STAM: variants seen among roughly 807,000 people sequenced by gnomAD.
The protein encoded by STAM is signal transducing adapter molecule 1.
Under a neutral mutation model 63.4 loss-of-function variants are expected in STAM, and 16 were observed. The observed-to-expected ratio is 0.25, with a 90% CI of 0.17 to 0.38. STAM has a LOEUF of 0.38. STAM is among the 10% of genes least tolerant of loss of function. The probability of loss-of-function intolerance (pLI) is 1.00; values close to 1 mark genes in which losing one functional copy is unlikely to be tolerated. For missense variants in STAM, 636 were observed against 657.1 expected, an observed-to-expected ratio of 0.97 and a Z score of 0.35; for synonymous variants, 238 against 223.9, an observed-to-expected ratio of 1.06 and a Z score of -0.56.
intron 2 of STAM, 148 bp from the exon 3 acceptor site, chr10:17,684,527 G>T (rs1362782898): frequency 1.8e-6 from 1 of 542,662 alleles, no homozygotes; most frequent in African/African-American, 2.0e-5. Flanking sequence ...CTAGTTTACA[G>T]TTTTTCAACC....
chr10:17,660,544 A>T lies in STAM; in HGVS notation c.121A>T (p.Thr41Ser), dbSNP rs140058206. 5 of 1,597,562 alleles carry T rather than the reference A, an allele frequency of 3.1e-6. No homozygotes were observed. The South Asian group carries it at 5.6e-5, about 18-fold the overall frequency. Reference sequence around the variant, plus strand: ...CTGTGATAAAGTTGGTCAGTCTCGCACTGGGTAAGTATTTAGCGTTTCAAA... The same window carrying T: ...CTGTGATAAAGTTGGTCAGTCTCGCTCTGGGTAAGTATTTAGCGTTTCAAA... ...DICDKVGQSR[T>S]GPKDCLRSIM... The change falls in exon 2 of 14, where the codon ACT (threonine) becomes TCT (serine). Residue 41 changes from threonine (T) to serine (S), a missense_variant. Physicochemically the swap from Thr to Ser is moderately conservative, Grantham distance 58 (BLOSUM62 1). Coordinates refer to ENST00000377524, the MANE Select transcript of STAM (RefSeq NM_003473.4).
At chr10:17,688,389 T>G (rs1835382731) in intron 5 of STAM, among the ~76,000 whole-genome samples, 2 of 152,234 alleles carry the variant, frequency 1.3e-5, no homozygotes, top group Admixed American at 6.5e-5. Flanking sequence ...AATATTAATG[T>G]GCTCTAACCT....
chr10:17,670,411 C>G (rs562924286), intron 2 of STAM, among the ~76,000 whole-genome samples: 1 of 152,194 alleles, frequency 6.6e-6, no homozygotes, highest in South Asian at 2.1e-4. Context: ...TTCTTTACTT[C>G]CCATTTTATG....
chr10:17,651,974 A>G (rs192666247), intron 1 of STAM, among the ~76,000 whole-genome samples: 49 of 152,300 alleles, frequency 3.2e-4, no homozygotes, highest in African/African-American at 1.2e-3. Flanking sequence ...AATCTTTTGA[A>G]AAGACTATTG....
At chr10:17,711,948 T>A (rs2131704102) in intron 13 of STAM, among the ~76,000 whole-genome samples, 1 of 152,370 alleles carries the variant, frequency 6.6e-6, no homozygotes, top group African/African-American at 2.4e-5. Context: ...GATACAGTGC[T>A]ATTAATTGGA....
At chr10:17,709,092 G>A in intron 13 of STAM, 141 bp downstream of exon 13, 1 of 966,620 alleles carries the variant, frequency 1.0e-6, no homozygotes, top group Non-Finnish European at 1.5e-6. Context: ...CTAATGAGTG[G>A]TGGAGCCTCT....
At chr10:17,710,964 G>A (rs149538373) in intron 13 of STAM, among the ~76,000 whole-genome samples, 20 of 152,212 alleles carry the variant, frequency 1.3e-4, no homozygotes, top group South Asian at 1.2e-3. Flanking sequence ...GTGTTTCAAC[G>A]GGGAAATGAG....
At chr10:17,675,059 A>C (rs1228807241) in intron 2 of STAM, among the ~76,000 whole-genome samples, 1 of 152,244 alleles carries the variant, frequency 6.6e-6, no homozygotes, top group Non-Finnish European at 1.5e-5. Flanking sequence ...GTGTGTATTT[A>C]TAAATATGAA....
At chr10:17,650,570 T>C (rs1833696402) in intron 1 of STAM, among the ~76,000 whole-genome samples, 1 of 152,202 alleles carries the variant, frequency 6.6e-6, no homozygotes, top group South Asian at 2.1e-4. Context: ...AAACAACAAA[T>C]GTATCCTGTC....
intron 9 of STAM, among the ~76,000 whole-genome samples, chr10:17,702,659 T>C (rs554045671): frequency 1.3e-5 from 2 of 152,328 alleles, no homozygotes; most frequent in South Asian, 4.1e-4. Context: ...AAGACTGTGC[T>C]AAGGGCAAGG....
Position 17,714,543 on chromosome 10 carries a change from T to C in STAM, c.1386T>C (p.Asn462=), listed in dbSNP as rs781848088. The change falls in exon 14 of 14, where the codon AAT becomes AAC. Residue 462 remains asparagine, a splice_region_variant and synonymous_variant. Transcript: ENST00000377524. ...ATTGAGTGTTTTTCTTCCTCCACAG[T>C]ACAATGGTCAGTTCCGTTCAAGGAA... is the stretch of plus-strand genomic sequence containing the variant. ...PSQQTQAAYP[N]TMVSSVQGNT... 2 of 1,613,894 alleles carry C rather than the reference T, an allele frequency of 1.2e-6. No homozygotes were observed. Among genetic ancestry groups the C allele is most frequent in the Non-Finnish European group, 1.7e-6 (2 of 1,179,762 alleles).
intron 9 of STAM, among the ~76,000 whole-genome samples, chr10:17,703,571 G>A (rs192105857): frequency 1.8e-4 from 28 of 151,986 alleles, no homozygotes; most frequent in Non-Finnish European, 3.4e-4. Context: ...AGATCTGTTT[G>A]GATTTTTTAA....
At position 17,714,579 on chromosome 10, in the gene STAM, C is replaced by T; in HGVS notation, c.1422C>T (p.Pro474=). The T allele has an allele frequency of 5.6e-6, 9 of 1,614,148 alleles. No individual in the cohort carries two copies. The highest frequency in any genetic ancestry group is 7.6e-6 in the Non-Finnish European group (9 of 1,180,030). ...GTTCCGTTCAAGGAAACACATATCC[C>T]AGCCAGGCGCCAGTATATAGTCCTC... ...MVSSVQGNTY[P]SQAPVYSPPP... is the part of the protein sequence containing the mutation. The change falls in exon 14 of 14, where the codon CCC becomes CCT. Residue 474 remains proline, a synonymous_variant. Transcript: ENST00000377524.
At chr10:17,700,964 T>C (rs192684851) in intron 9 of STAM, among the ~76,000 whole-genome samples, 6 of 152,374 alleles carry the variant, frequency 3.9e-5, no homozygotes, top group Admixed American at 1.3e-4. Flanking sequence ...TTGAACACTT[T>C]CTAGTATTTG....
intron 2 of STAM, among the ~76,000 whole-genome samples, chr10:17,666,490 G>C (rs1240916685): frequency 1.3e-5 from 2 of 151,086 alleles, no homozygotes; most frequent in African/African-American, 4.9e-5. Flanking sequence ...CGCCTGCCGG[G>C]TTCACCCCAT....
At chr10:17,680,691 G>A (rs1207849452) in intron 2 of STAM, among the ~76,000 whole-genome samples, 6 of 152,190 alleles carry the variant, frequency 3.9e-5, no homozygotes, top group Non-Finnish European at 1.5e-5. Context: ...ATAGGTGCAA[G>A]TCACTGTGCC....
chr10:17,678,365 C>A (rs1834940815), intron 2 of STAM, among the ~76,000 whole-genome samples: 1 of 152,032 alleles, frequency 6.6e-6, no homozygotes, highest in Non-Finnish European at 1.5e-5. Flanking sequence ...AGCGATTCTC[C>A]TGCCTCAGCC....
In STAM at chr10:17,715,435, C is replaced by T. The variant is rs1836775702; in HGVS notation, c.*655C>T. ...TATATATATATATCTACATGTCTTT[C>T]TGTAGCCTCTGCATACTACTGGCTG... On this transcript the variant is annotated 3_prime_UTR_variant, in exon 14 of 14. Coordinates refer to ENST00000377524, the MANE Select transcript of STAM (RefSeq NM_003473.4). 1 of 152,178 alleles carries T rather than the reference C, an allele frequency of 6.6e-6. No homozygotes were observed. Among genetic ancestry groups the T allele is most frequent in the South Asian group, 2.1e-4 (1 of 4,824 alleles). The allele number at this position is 152,178 out of a possible 1,614,324, so 9.4% of individuals were successfully genotyped here.
intron 2 of STAM, among the ~76,000 whole-genome samples, chr10:17,662,453 C>G (rs577496648): frequency 5.9e-5 from 9 of 152,202 alleles, no homozygotes; most frequent in Non-Finnish European, 1.2e-4. Context: ...CCTCAAAGCA[C>G]TCTATCAAAA....
Sources: gnomAD v4.1 joint callset for allele counts (sites outside exome capture counted in the v4.1 genomes callset) on GRCh38, gnomAD v4.1.1 for gene constraint, MANE v1.5 for transcripts, NCBI Gene and HGNC (gene_info 2026-07-23, HGNC 2026-07-21) for gene names.